The following SDK1 variants were observed in gnomAD, a reference collection of about 807,000 sequenced individuals.
SDK1 encodes the protein sidekick cell adhesion molecule 1, also known as protein sidekick-1.
In SDK1, 157 loss-of-function variants were observed where a neutral mutation model predicts 245.5. The ratio of observed to expected loss-of-function variants is 0.64; its 90% confidence interval spans 0.56 to 0.73. The LOEUF is 0.73. SDK1 is among the 30% of genes least tolerant of loss of function. The pLI is 0.00. For synonymous variants in SDK1, 1,647 were observed against 1,278.5 expected (o/e 1.29, Z -6.15); for missense variants, 3,583 against 3,002.3 (o/e 1.19, Z -4.52).
At chr7:3,828,660 TTTTTTG>T (rs1779838759) in intron 5 of SDK1, among the ~76,000 whole-genome samples, 1 of 30,860 alleles carries the variant, frequency 3.2e-5, no homozygotes, top group Non-Finnish European at 6.0e-5. Flanking sequence ...TTTTTTTTTT[TTTTTTG>T]TTTTTTTGAC....
At chr7:4,141,752 G>C (rs1367697275) in intron 28 of SDK1, among the ~76,000 whole-genome samples, 1 of 152,140 alleles carries the variant, frequency 6.6e-6, no homozygotes, top group Non-Finnish European at 1.5e-5. Context: ...TTTAGGGATA[G>C]GCATGTTTTT....
intron 8 of SDK1, among the ~76,000 whole-genome samples, chr7:3,959,902 A>G (rs1456682758): frequency 1.3e-5 from 2 of 151,886 alleles, no homozygotes; most frequent in African/African-American, 4.8e-5. Context: ...TCACCGTCTC[A>G]TGTCGGGCAG....
intron 38 of SDK1, among the ~76,000 whole-genome samples, chr7:4,218,428 G>A (rs891561072): frequency 4.6e-5 from 7 of 151,924 alleles, no homozygotes; most frequent in African/African-American, 1.4e-4. Flanking sequence ...GAAATAATTC[G>A]GAAGAAAATA....
chr7:3,356,745 G>A (rs144842463), intron 1 of SDK1, among the ~76,000 whole-genome samples: 4 of 152,000 alleles, frequency 2.6e-5, no homozygotes, highest in Non-Finnish European at 4.4e-5. Flanking sequence ...AGATCCCTGC[G>A]TTCTTTTGTA....
At chr7:3,569,367 G>A (rs1216284379) in intron 1 of SDK1, among the ~76,000 whole-genome samples, 1 of 152,218 alleles carries the variant, frequency 6.6e-6, no homozygotes. Flanking sequence ...AGGAATCCCA[G>A]TCAGTCACCT....
At chr7:3,731,167 G>A (rs1428319087) in intron 4 of SDK1, among the ~76,000 whole-genome samples, 1 of 152,156 alleles carries the variant, frequency 6.6e-6, no homozygotes, top group Non-Finnish European at 1.5e-5. Context: ...AGGGTGACGG[G>A]CGGAGAGCTG....
Position 3,637,101 on chromosome 7 carries a change from G to C in SDK1, c.459-1903G>C, listed in dbSNP as rs59431801. ...TGCGTGCGCGCGTGTGTGTGTGTGT[G>C]TGTGTGTGTGTTTTGAGAGAGTGTC... On this transcript the variant is annotated intron_variant, in intron 2 of 44. Coordinates refer to ENST00000404826, the MANE Select transcript of SDK1 (RefSeq NM_152744.4). 2.7e-5 allele frequency among the ~76,000 whole-genome samples: 4 copies of C among 149,954 alleles called. No homozygotes were observed. In the East Asian group the frequency reaches 8.2e-4, roughly 31 times the overall value.
At chr7:4,209,652 GTC>G (rs3038639) in intron 37 of SDK1, among the ~76,000 whole-genome samples, 10,740 of 152,284 alleles carry the variant, frequency 0.071, 392 homozygotes, top group Middle Eastern at 0.11. Flanking sequence ...ACAGAGCTCC[GTC>G]TCTCCGGCAA....
intron 1 of SDK1, among the ~76,000 whole-genome samples, chr7:3,374,391 T>C (rs1454251883): frequency 6.6e-6 from 1 of 152,142 alleles, no homozygotes; most frequent in Non-Finnish European, 1.5e-5. Flanking sequence ...TACAATTGAT[T>C]TTCTTCACAT....
At chr7:3,303,431 A>G (rs563247122) in intron 1 of SDK1, among the ~76,000 whole-genome samples, 43 of 152,340 alleles carry the variant, frequency 2.8e-4, no homozygotes, top group African/African-American at 1.0e-3. Flanking sequence ...AAAATCTGCC[A>G]GTGGCTTTGT....
At chr7:4,019,049 T>G (rs1220721523) in intron 17 of SDK1, among the ~76,000 whole-genome samples, 1 of 152,094 alleles carries the variant, frequency 6.6e-6, no homozygotes, top group Non-Finnish European at 1.5e-5. Context: ...GAATGCAGTT[T>G]CGGCCCCACA....
intron 1 of SDK1, among the ~76,000 whole-genome samples, chr7:3,408,680 G>A (rs1235256459): frequency 1.3e-5 from 2 of 152,032 alleles, no homozygotes; most frequent in Non-Finnish European, 2.9e-5. Context: ...ACCTGTACTT[G>A]AATTAACTGT....
At position 4,067,828 on chromosome 7, in the gene SDK1, T is replaced by A; in HGVS notation, c.2912-10T>A. On this transcript the variant is annotated splice_polypyrimidine_tract_variant and intron_variant, in intron 19 of 44. Transcript: ENST00000404826. ...TTGTGTTAACAGATGACTTTGCTTT[T>A]AATTGGTAGAACCAGGAGCTGTGGG... is the stretch of plus-strand genomic sequence containing the variant. 6.2e-7 allele frequency: 1 copy of A among 1,606,942 alleles called. No homozygotes were observed. Among genetic ancestry groups the A allele is most frequent in the African/African-American group, 1.3e-5 (1 of 74,892 alleles).
intron 17 of SDK1, among the ~76,000 whole-genome samples, chr7:4,025,595 T>G (rs1037313546): frequency 6.6e-6 from 1 of 152,218 alleles, no homozygotes; most frequent in Non-Finnish European, 1.5e-5. Flanking sequence ...CCTGCTAGCC[T>G]AGGAACCCTG....
At chr7:3,905,000 A>AG (rs1363786669) in intron 5 of SDK1, among the ~76,000 whole-genome samples, 1 of 136,110 alleles carries the variant, frequency 7.3e-6, no homozygotes, top group Admixed American at 7.1e-5. Context: ...CTCAAAAAAA[A>AG]AAAAAAAAAT....
chr7:3,579,150 A>T (rs958398721), intron 1 of SDK1, among the ~76,000 whole-genome samples: 1 of 152,000 alleles, frequency 6.6e-6, no homozygotes, highest in Non-Finnish European at 1.5e-5. Flanking sequence ...ATTCCAATAA[A>T]TTGAGGAGGA....
At chr7:3,554,018 G>A (rs1305645830) in intron 1 of SDK1, among the ~76,000 whole-genome samples, 1 of 152,146 alleles carries the variant, frequency 6.6e-6, no homozygotes, top group Non-Finnish European at 1.5e-5. Flanking sequence ...AGTAGACCAG[G>A]ACCCACATAC....
At chr7:4,172,351 G>C (rs1781899310) in intron 32 of SDK1, among the ~76,000 whole-genome samples, 1 of 152,190 alleles carries the variant, frequency 6.6e-6, no homozygotes, top group Admixed American at 6.5e-5. Flanking sequence ...ATGCGTGAGT[G>C]TTGAACGCGT....
intron 1 of SDK1, among the ~76,000 whole-genome samples, chr7:3,609,670 G>A (rs1156872506): frequency 6.6e-6 from 1 of 152,002 alleles, no homozygotes; most frequent in Non-Finnish European, 1.5e-5. Context: ...AAAGTGCTGG[G>A]ATTATAGGCG....
Sources: gnomAD v4.1 joint callset for allele counts (sites outside exome capture counted in the v4.1 genomes callset) on GRCh38, gnomAD v4.1.1 for gene constraint, MANE v1.5 for transcripts, NCBI Gene and HGNC (gene_info 2026-07-23, HGNC 2026-07-21) for gene names.